Variants in TECPR2 observed in about 807,000 individuals in gnomAD.
The protein encoded by TECPR2 is tectonin beta-propeller repeat containing 2.
TECPR2 carries 65 observed loss-of-function variants against 138.1 expected under a neutral mutation model. The ratio of observed to expected loss-of-function variants is 0.47; its 90% CI spans 0.39 to 0.58. The LOEUF is 0.58. TECPR2 is among the 20% of genes least tolerant of loss of function. The pLI, the probability that TECPR2 is intolerant of heterozygous loss-of-function variation, is 0.00. For synonymous variants in TECPR2, 746 were observed against 749.8 expected, an observed-to-expected ratio of 0.99 and a Z score of 0.08; for missense variants, 1,553 against 1,824.5, an observed-to-expected ratio of 0.85 and a Z score of 2.71.
intron 2 of TECPR2, among the ~76,000 whole-genome samples, chr14:102,382,822 G>A (rs558971459): frequency 1.3e-5 from 2 of 151,832 alleles, no homozygotes; most frequent in African/African-American, 4.8e-5. Context: ...GCAATGGTGC[G>A]ATCTCGGCTC....
chr14:102,435,722 G>C (rs1889652723), intron 9 of TECPR2, among the ~76,000 whole-genome samples: 2 of 152,166 alleles, frequency 1.3e-5, no homozygotes, highest in Non-Finnish European at 2.9e-5. Context: ...TGGCTCCAAG[G>C]CTCCCCTGCG....
rs1324080670 is a variant in TECPR2, at chr14:102,499,190, A to G, written c.*933A>G. On this transcript the variant is annotated 3_prime_UTR_variant, in exon 20 of 20. Transcript: ENST00000359520. ...AGGTAGGGACGGCACAGGAGGGTGC[A>G]TGGGGCGTGGGGGAGCTGAGCAAGG... 5 of 702,260 alleles carry G rather than the reference A, an allele frequency of 7.1e-6. No individual in the cohort carries two copies. Among genetic ancestry groups the G allele is most frequent in the Non-Finnish European group, 1.3e-5 (5 of 384,404 alleles). The allele number at this position is 702,260 out of a possible 1,614,324, so 43.5% of individuals were successfully genotyped here.
At chr14:102,456,658 C>T (rs537887520) in intron 16 of TECPR2, among the ~76,000 whole-genome samples, 3 of 149,632 alleles carry the variant, frequency 2.0e-5, no homozygotes, top group Non-Finnish European at 4.4e-5. Flanking sequence ...GGCGCAATCT[C>T]GGCTCCCTGC....
intron 17 of TECPR2, among the ~76,000 whole-genome samples, chr14:102,492,393 C>T (rs1595150975): frequency 6.6e-6 from 1 of 152,256 alleles, no homozygotes; most frequent in African/African-American, 2.4e-5. Flanking sequence ...CTCTCCTTCT[C>T]CTTCTTGGGC....
In TECPR2 at chr14:102,445,911, C is replaced by G. The variant is rs1889964127; in HGVS notation, c.3039C>G (p.Ser1013=). ...TGTGGTTCAGAACTGGCATTATTTC[C>G]AAGAAGCCCCAAGGAGATGACGACC... is the stretch of plus-strand genomic sequence containing the variant. ...GNLWFRTGII[S]KKPQGDDDHW... is the part of the protein sequence containing the mutation. The change falls in exon 13 of 20, where the codon TCC becomes TCG. Residue 1013 remains serine (S), a synonymous_variant. Coordinates refer to ENST00000359520, the MANE Select transcript of TECPR2 (RefSeq NM_014844.5). 6.2e-7 allele frequency: 1 copy of G among 1,613,828 alleles called. No individual in the cohort carries two copies. Among genetic ancestry groups the G allele is most frequent in the South Asian group, 1.1e-5 (1 of 91,076 alleles).
At chr14:102,421,440 G>A (rs1307420577) in intron 5 of TECPR2, among the ~76,000 whole-genome samples, 1 of 152,228 alleles carries the variant, frequency 6.6e-6, no homozygotes, top group East Asian at 1.9e-4. Flanking sequence ...TATCCAAAGG[G>A]ATTTAGTTAC....
At chr14:102,431,690 G>T in intron 7 of TECPR2, 106 bp from the exon 8 acceptor site, 2 of 1,136,322 alleles carry the variant, frequency 1.8e-6, no homozygotes, top group South Asian at 3.4e-5. Flanking sequence ...TCTTTAGCTG[G>T]CTGGTGCCTC....
intron 13 of TECPR2, among the ~76,000 whole-genome samples, chr14:102,447,178 A>G (rs1019051049): frequency 2.0e-5 from 3 of 152,164 alleles, no homozygotes; most frequent in Non-Finnish European, 4.4e-5. Context: ...TTTCTGGGGC[A>G]GAGTCTCACT....
Position 102,443,862 on chromosome 14 carries a change from C to A in TECPR2, c.2933+35C>A. 1 of 1,501,814 alleles carries A rather than the reference C, an allele frequency of 6.7e-7. No homozygotes were observed. Among genetic ancestry groups the A allele is most frequent in the Non-Finnish European group, 9.0e-7 (1 of 1,111,874 alleles). 93.0% of individuals were successfully genotyped at this position (1,501,814 alleles called of 1,614,324 possible). A position where few individuals can be genotyped will look rare whatever the true frequency, so the allele number is the denominator to read the frequency against. Reference sequence around the variant, plus strand: ...GGCCAGAGACTCCTTTCACATCGTGCTTGTCCTACCCTTCGTTCTTGTCCA... The same window carrying A: ...GGCCAGAGACTCCTTTCACATCGTGATTGTCCTACCCTTCGTTCTTGTCCA... On this transcript the variant is annotated intron_variant, in intron 12 of 19. Coordinates refer to ENST00000359520, the MANE Select transcript of TECPR2 (RefSeq NM_014844.5). This position sits in a 1 kb window ranked among gnomAD's most constrained non-coding sequence, Gnocchi z 4.9.
At chr14:102,437,310 GC>G (rs1800589617) in intron 9 of TECPR2, among the ~76,000 whole-genome samples, 2 of 152,236 alleles carry the variant, frequency 1.3e-5, no homozygotes, top group Admixed American at 6.5e-5. Context: ...ACTTTGGGAG[GC>G]CAAGGTGGGC....
chr14:102,458,685 T>C (rs1252025353), intron 16 of TECPR2, among the ~76,000 whole-genome samples: 1 of 152,088 alleles, frequency 6.6e-6, no homozygotes, highest in African/African-American at 2.4e-5. Context: ...TTTGCTTCTC[T>C]TCCTGGGGCC....
At chr14:102,452,251 G>A (rs138169091) in intron 15 of TECPR2, 143 bp from the exon 16 acceptor site, 27 of 712,314 alleles carry the variant, frequency 3.8e-5, no homozygotes, top group South Asian at 8.9e-5. Context: ...GCTCCTGCCC[G>A]TGTGGGAATG....
At chr14:102,439,626 C>T (rs193232152) in intron 10 of TECPR2, among the ~76,000 whole-genome samples, 1 of 152,340 alleles carries the variant, frequency 6.6e-6, no homozygotes, top group African/African-American at 2.4e-5. Context: ...CCTCACTGTG[C>T]TAGCGGGAAC....
At chr14:102,445,316 T>A (rs752702180) in intron 12 of TECPR2, among the ~76,000 whole-genome samples, 97 of 152,166 alleles carry the variant, frequency 6.4e-4, no homozygotes, top group Non-Finnish European at 1.0e-3. Context: ...GAGTTTACAG[T>A]CATTCCCTTG....
intron 5 of TECPR2, among the ~76,000 whole-genome samples, chr14:102,424,030 A>T (rs898364606): frequency 6.6e-6 from 1 of 152,330 alleles, no homozygotes; most frequent in East Asian, 1.9e-4. Context: ...GTGTCACCTA[A>T]CAACTGGAAT....
intron 16 of TECPR2, among the ~76,000 whole-genome samples, chr14:102,460,504 C>T (rs1344725218): frequency 6.6e-6 from 1 of 150,742 alleles, no homozygotes; most frequent in Non-Finnish European, 1.5e-5. Flanking sequence ...ATCCCAGCTA[C>T]TTGGGAGCCT....
At chr14:102,406,188 A>G (rs1455394811) in intron 2 of TECPR2, among the ~76,000 whole-genome samples, 1 of 152,166 alleles carries the variant, frequency 6.6e-6, no homozygotes, top group Non-Finnish European at 1.5e-5. Context: ...ATTGAATACC[A>G]CTGAAATGTA....
At chr14:102,407,294 A>T (rs201854721) in intron 2 of TECPR2, 44 bp from the exon 3 acceptor site, 3 of 1,544,536 alleles carry the variant, frequency 1.9e-6, no homozygotes, top group Non-Finnish European at 2.6e-6. Context: ...ACATTTTCAA[A>T]GCCTGCATAG....
intron 2 of TECPR2, among the ~76,000 whole-genome samples, chr14:102,392,031 C>T (rs1437967773): frequency 6.6e-6 from 1 of 152,064 alleles, no homozygotes; most frequent in Non-Finnish European, 1.5e-5. Context: ...TCTTGTTGCC[C>T]AGGCTGGAGT....
Sources: gnomAD v4.1 joint callset for allele counts (sites outside exome capture counted in the v4.1 genomes callset) on GRCh38, gnomAD v4.1.1 for gene constraint, Gnocchi (gnomAD v3.1) non-coding constraint, MANE v1.5 for transcripts, NCBI Gene and HGNC (gene_info 2026-07-23, HGNC 2026-07-21) for gene names.